Variants in WWTR1 observed in about 807,000 individuals in gnomAD.
The protein encoded by WWTR1 is WW domain-containing transcription regulator protein 1.
A neutral mutation model predicts 40.1 loss-of-function variants in WWTR1; 13 were observed. That is an observed-to-expected ratio of 0.32 (90% CI 0.21 to 0.52). The LOEUF (loss-of-function observed/expected upper bound fraction) is 0.52, where lower values mean the gene tolerates loss of function less well. WWTR1 is among the 20% of genes least tolerant of loss of function. The pLI is 0.97. For missense variants in WWTR1, 436 were observed against 523.1 expected, an observed-to-expected ratio of 0.83 and a Z score of 1.63; for synonymous variants, 230 against 210.1, an observed-to-expected ratio of 1.09 and a Z score of -0.82.
intron 2 of WWTR1, among the ~76,000 whole-genome samples, chr3:149,622,671 C>A (rs139563879): frequency 6.6e-6 from 1 of 151,884 alleles, no homozygotes; most frequent in South Asian, 2.1e-4. Flanking sequence ...GACAACATGG[C>A]GAAAACCAAA....
At chr3:149,637,515 G>A (rs568445840) in intron 2 of WWTR1, among the ~76,000 whole-genome samples, 2 of 152,176 alleles carry the variant, frequency 1.3e-5, no homozygotes, top group Admixed American at 1.3e-4. Context: ...ATCAGCATGA[G>A]CCACCGTGCC....
intron 2 of WWTR1, among the ~76,000 whole-genome samples, chr3:149,591,141 TA>T (rs1213617554): frequency 6.6e-6 from 1 of 152,068 alleles, no homozygotes; most frequent in Admixed American, 6.6e-5. Context: ...AAATACTACT[TA>T]AAAAAACATA....
chr3:149,699,651 C>T (rs1328111632), intron 1 of WWTR1, among the ~76,000 whole-genome samples: 1 of 152,152 alleles, frequency 6.6e-6, no homozygotes, highest in African/African-American at 2.4e-5. Context: ...ACAATAAAGC[C>T]AAGCTCTTTG....
intron 2 of WWTR1, among the ~76,000 whole-genome samples, chr3:149,656,108 A>C (rs1713190142): frequency 6.6e-6 from 1 of 152,226 alleles, no homozygotes; most frequent in Non-Finnish European, 1.5e-5. Flanking sequence ...CTAGTGTTTG[A>C]GAATATATTT....
intron 3 of WWTR1, 116 bp downstream of exon 3, chr3:149,572,748 G>T: frequency 8.0e-7 from 1 of 1,246,758 alleles, no homozygotes; most frequent in Non-Finnish European, 1.1e-6. Context: ...TTGGGAGACT[G>T]AGGTGTTAGG....
At chr3:149,664,231 C>A (rs1713710330) in intron 2 of WWTR1, among the ~76,000 whole-genome samples, 1 of 152,216 alleles carries the variant, frequency 6.6e-6, no homozygotes, top group African/African-American at 2.4e-5. Context: ...GTTGGGTCAC[C>A]ATTAGCAACT....
At chr3:149,656,184 A>T (rs1185098315) in intron 2 of WWTR1, among the ~76,000 whole-genome samples, 1 of 152,250 alleles carries the variant, frequency 6.6e-6, no homozygotes, top group East Asian at 1.9e-4. Flanking sequence ...AGCTGGAACA[A>T]TGTGAAAGGA....
chr3:149,679,645 GAAA>G (rs62987560), intron 1 of WWTR1, among the ~76,000 whole-genome samples: 1 of 144,330 alleles, frequency 6.9e-6, no homozygotes. Flanking sequence ...GGAATGGTGG[GAAA>G]AAAAAAAAAA....
At chr3:149,600,636 G>C (rs1179091145) in intron 2 of WWTR1, among the ~76,000 whole-genome samples, 3 of 152,162 alleles carry the variant, frequency 2.0e-5, no homozygotes, top group African/African-American at 7.2e-5. Flanking sequence ...CAAGGCAATA[G>C]CCACCCTGGG....
chr3:149,720,834 A>G (rs1413620733), intron 4 of WWTR1, among the ~76,000 whole-genome samples: 4 of 152,114 alleles, frequency 2.6e-5, no homozygotes, highest in Admixed American at 1.3e-4. Context: ...GATTTTTTAC[A>G]TCCTTGGTAA....
In WWTR1 at chr3:149,608,914, C is replaced by A. The variant is rs188390007; in HGVS notation, c.432-35914G>T. Among the ~76,000 whole-genome samples the A allele has an allele frequency of 3.5e-3, 524 of 151,882 alleles. 5 individuals are homozygous for A. Among genetic ancestry groups the A allele is most frequent in the African/African-American group, 0.012 (511 of 41,422 alleles). The stretch of plus-strand genomic sequence containing the variant: ...CAAAAGAAAAAAAATAGAAATAATA[C>A]AAAAATTAGTGAGCTGTGGTGGCAT... On this transcript the variant is annotated intron_variant, in intron 2 of 6. Coordinates refer to ENST00000360632, the MANE Select transcript of WWTR1 (RefSeq NM_015472.6).
At chr3:149,699,483 G>C (rs1467259976) in intron 1 of WWTR1, among the ~76,000 whole-genome samples, 1 of 151,894 alleles carries the variant, frequency 6.6e-6, no homozygotes, top group Admixed American at 6.6e-5. Context: ...AGTAGAGATG[G>C]GGTTTCTCCA....
At chr3:149,656,753 CATCTCTCTCTTT>C (rs759303920) in intron 2 of WWTR1, 111 bp downstream of exon 2, 1 of 906,388 alleles carries the variant, frequency 1.1e-6, no homozygotes, top group Non-Finnish European at 1.5e-6. Flanking sequence ...GGACACGCAC[CATCTCTCTCTTT>C]CTCTCTCTCT....
At chr3:149,597,208 A>G (rs369915042) in intron 2 of WWTR1, among the ~76,000 whole-genome samples, 136 of 152,290 alleles carry the variant, frequency 8.9e-4, no homozygotes, top group African/African-American at 3.3e-3. Context: ...AAAAAGACTC[A>G]GTGACTTTCC....
intron 1 of WWTR1, among the ~76,000 whole-genome samples, chr3:149,695,592 C>T (rs1433157902): frequency 1.3e-5 from 2 of 151,228 alleles, no homozygotes; most frequent in Admixed American, 6.6e-5. Context: ...GAAACCCCAT[C>T]TCTACTAAAA....
At chr3:149,568,126 C>A (rs904265990) in intron 3 of WWTR1, among the ~76,000 whole-genome samples, 16 of 152,158 alleles carry the variant, frequency 1.1e-4, no homozygotes, top group Admixed American at 6.5e-5. Flanking sequence ...TGGCTCACGC[C>A]TGTAATCCCA....
intron 3 of WWTR1, among the ~76,000 whole-genome samples, chr3:149,549,747 G>A (rs1015113080): frequency 6.6e-6 from 1 of 152,116 alleles, no homozygotes; most frequent in African/African-American, 2.4e-5. Flanking sequence ...GCTGGGGCAG[G>A]AGGATCACTT....
chr3:149,659,149 G>T (rs1713446583), upstream of WWTR1, among the ~76,000 whole-genome samples: 1 of 152,116 alleles, frequency 6.6e-6, no homozygotes, highest in Non-Finnish European at 1.5e-5. Context: ...GGTGGGGGGA[G>T]ATGGCGAGGT....
intron 1 of WWTR1, among the ~76,000 whole-genome samples, chr3:149,694,814 A>T (rs761237699): frequency 4.6e-5 from 7 of 152,250 alleles, no homozygotes; most frequent in Non-Finnish European, 8.8e-5. Context: ...TGCTAGGTAT[A>T]CACGCAAAAT....
Sources: allele counts gnomAD v4.1 joint callset (sites outside exome capture counted in the v4.1 genomes callset), GRCh38; gene constraint gnomAD v4.1.1; transcripts MANE v1.5; gene names NCBI Gene and HGNC (gene_info 2026-07-23, HGNC 2026-07-21).